The following ELAVL4 variants were observed in gnomAD, a reference collection of about 807,000 sequenced individuals.
The protein encoded by ELAVL4 is ELAV like RNA binding protein 4.
ELAVL4 carries 1 observed loss-of-function variant against 35.6 expected under a neutral mutation model. That is an observed-to-expected ratio of 0.03 (90% confidence interval 0.01 to 0.13). The LOEUF (loss-of-function observed/expected upper bound fraction) is 0.13. Ranked by LOEUF, ELAVL4 falls within the 10% of genes least tolerant of loss-of-function variation. The pLI is 1.00. For missense variants in ELAVL4, 267 were observed against 464.9 expected, an observed-to-expected ratio of 0.57 and a Z score of 3.91; for synonymous variants, 156 against 171.0, an observed-to-expected ratio of 0.91 and a Z score of 0.69.
intron 3 of ELAVL4, among the ~76,000 whole-genome samples, chr1:50,187,422 GA>G (rs1370184264): frequency 2.0e-5 from 3 of 152,184 alleles, no homozygotes; most frequent in Non-Finnish European, 4.4e-5. Context: ...CTCTGTAACA[GA>G]GCTTCTAAAC....
chr1:50,116,949 CCAAAA>C (rs1668057383), intron 1 of ELAVL4, among the ~76,000 whole-genome samples: 2 of 152,064 alleles, frequency 1.3e-5, no homozygotes, highest in African/African-American at 4.8e-5. Context: ...TACTGTAACA[CCAAAA>C]CAAAAGTGAT....
chr1:50,113,944 T>C (rs1216815617), intron 1 of ELAVL4, among the ~76,000 whole-genome samples: 2 of 152,100 alleles, frequency 1.3e-5, no homozygotes, highest in Non-Finnish European at 2.9e-5. Context: ...TATGTGCATC[T>C]ATAAATGGAG....
At chr1:50,132,374 A>G (rs1671003336) in intron 1 of ELAVL4, among the ~76,000 whole-genome samples, 1 of 152,180 alleles carries the variant, frequency 6.6e-6, no homozygotes, top group African/African-American at 2.4e-5. Context: ...CATGTAATTA[A>G]CAAAAGTGGG....
chr1:50,157,250 G>A (rs2148738138), intron 2 of ELAVL4, among the ~76,000 whole-genome samples: 1 of 152,278 alleles, frequency 6.6e-6, no homozygotes, highest in East Asian at 1.9e-4. Flanking sequence ...AAGCCATTCT[G>A]TGCCTCAGGT....
chr1:50,144,366 A>T (rs1051259805), intron 1 of ELAVL4, among the ~76,000 whole-genome samples: 1 of 145,604 alleles, frequency 6.9e-6, no homozygotes, highest in Non-Finnish European at 1.5e-5. Context: ...TGGCTAGATT[A>T]AAAAAAAAAA....
chr1:50,058,872 G>A (rs1293940402), intron 1 of ELAVL4, among the ~76,000 whole-genome samples: 1 of 152,074 alleles, frequency 6.6e-6, no homozygotes, highest in Non-Finnish European at 1.5e-5. Flanking sequence ...CCAAAGTGCT[G>A]GGATTACAGG....
chr1:50,198,623 G>A (rs1439760753), intron 6 of ELAVL4, among the ~76,000 whole-genome samples: 1 of 152,138 alleles, frequency 6.6e-6, no homozygotes, highest in African/African-American at 2.4e-5. Context: ...TGTTCCCAGG[G>A]ATTTTACATC....
chr1:50,104,506 C>A (rs1289657920), upstream of ELAVL4, among the ~76,000 whole-genome samples: 1 of 152,160 alleles, frequency 6.6e-6, no homozygotes, highest in Non-Finnish European at 1.5e-5. Context: ...GTGATGCCGT[C>A]TTGACTTAAA....
At chr1:50,109,974 A>G (rs746207721) in intron 1 of ELAVL4, 4 of 1,612,098 alleles carry the variant, frequency 2.5e-6, no homozygotes, top group Admixed American at 3.3e-5. Flanking sequence ...GGTAAGTGAA[A>G]AGAGGAAGGC....
chr1:50,101,684 T>A (rs946320296), upstream of ELAVL4, among the ~76,000 whole-genome samples: 4 of 152,094 alleles, frequency 2.6e-5, no homozygotes, highest in African/African-American at 9.7e-5. Flanking sequence ...GGCAGGAGGA[T>A]CTCTTGAGGC....
intron 3 of ELAVL4, among the ~76,000 whole-genome samples, chr1:50,193,556 T>C (rs1338260620): frequency 6.6e-6 from 1 of 152,168 alleles, no homozygotes; most frequent in Non-Finnish European, 1.5e-5. Context: ...TTTTAAGTTA[T>C]TGTCAACTCT....
Position 50,048,064 on chromosome 1 carries a change from TAG to T in ELAVL4, c.-96_-95del. On this transcript the variant is annotated 5_prime_UTR_variant, in exon 1 of 7. Coordinates refer to the ELAVL4 transcript ENST00000448907. ...ACGGTGGCGGAGCCGCAGAGCGAGC[TAG>T]AGAGCGAGAGCGGTGAGACTCTGCG... The T allele has an allele frequency of 2.9e-6, 4 of 1,356,070 alleles. No individual in the cohort carries two copies. The South Asian group carries it at 6.4e-5, about 22-fold the overall frequency. The allele number at this position is 1,356,070 out of a possible 1,614,324, so 84.0% of individuals were successfully genotyped here.
chr1:50,149,371 C>T (rs1674326545), intron 2 of ELAVL4, among the ~76,000 whole-genome samples: 1 of 150,060 alleles, frequency 6.7e-6, no homozygotes, highest in Admixed American at 6.7e-5. Flanking sequence ...GCCTGGGTAA[C>T]AAGTACGAAA....
At chr1:50,111,509 G>A (rs1236867146) in intron 1 of ELAVL4, among the ~76,000 whole-genome samples, 1 of 152,100 alleles carries the variant, frequency 6.6e-6, no homozygotes, top group Admixed American at 6.6e-5. Flanking sequence ...TAAATCGGAT[G>A]TTGATACTAT....
At chr1:50,192,452 A>G (rs1351841931) in intron 3 of ELAVL4, among the ~76,000 whole-genome samples, 1 of 151,122 alleles carries the variant, frequency 6.6e-6, no homozygotes, top group African/African-American at 2.4e-5. Flanking sequence ...CTGGAGGTTT[A>G]GGTCTTAATG....
chr1:50,065,112 A>G (rs1664197064), intron 1 of ELAVL4, among the ~76,000 whole-genome samples: 1 of 152,196 alleles, frequency 6.6e-6, no homozygotes, highest in South Asian at 2.1e-4. Context: ...TTGGAGTTAC[A>G]GCCCAACCAG....
At chr1:50,122,801 T>C (rs530832926) in intron 1 of ELAVL4, among the ~76,000 whole-genome samples, 1 of 152,256 alleles carries the variant, frequency 6.6e-6, no homozygotes, top group African/African-American at 2.4e-5. Context: ...ATGTTATTTT[T>C]ACAATGCCAT....
rs74657143 is a variant in ELAVL4, at chr1:50,118,723, C to T, written c.9+9525C>T. Among the ~76,000 whole-genome samples, 1,021 of 151,846 alleles carry T rather than the reference C, an allele frequency of 6.7e-3. 12 individuals are homozygous for T. Among genetic ancestry groups the T allele is most frequent in the African/African-American group, 0.023 (939 of 41,432 alleles). On this transcript the variant is annotated intron_variant, in intron 1 of 6. Coordinates refer to ENST00000371824, the MANE Select transcript of ELAVL4 (RefSeq NM_001144774.3). ...GGGACCTGTTGCTGTGACCTGTTGC[C>T]GTTATGAAGAAATAATACAAATTGT...
Position 50,157,504 on chromosome 1 carries a change from AG to A in ELAVL4, c.250+12308del, listed in dbSNP as rs149912682. ...AGTTATCTGCGTACATCTCAACAAAAGCTGATTAACTCTCTCAGACATCAGT... is the reference window on the plus strand; with the variant it reads ...AGTTATCTGCGTACATCTCAACAAAACTGATTAACTCTCTCAGACATCAGT... On this transcript the variant is annotated intron_variant, in intron 2 of 6. Transcript: ENST00000371824. Among the ~76,000 whole-genome samples, 259 of 152,328 alleles carry A rather than the reference AG, an allele frequency of 1.7e-3. 1 individual carries two copies. Among genetic ancestry groups the A allele is most frequent in the African/African-American group, 6.0e-3 (248 of 41,570 alleles).
Sources: gnomAD v4.1 joint callset for allele counts (sites outside exome capture counted in the v4.1 genomes callset) on GRCh38, gnomAD v4.1.1 for gene constraint, MANE v1.5 for transcripts, NCBI Gene and HGNC (gene_info 2026-07-23, HGNC 2026-07-21) for gene names.